The following RGS20 variants were observed in gnomAD, a reference collection of about 807,000 sequenced individuals.
RGS20 encodes regulator of G protein signaling 20.
In RGS20, 30 loss-of-function variants were observed where a neutral mutation model predicts 33.6. That is an observed-to-expected ratio of 0.89 (90% CI 0.67 to 1.21). The LOEUF (loss-of-function observed/expected upper bound fraction) is 1.21, where lower values mean the gene tolerates loss of function less well. RGS20 is among the 50% of genes most tolerant of loss of function. The pLI is 0.00. For synonymous variants in RGS20, 208 were observed against 197.9 expected (o/e 1.05, Z -0.43); for missense variants, 472 against 502.4 (o/e 0.94, Z 0.58).
intron 1 of RGS20, among the ~76,000 whole-genome samples, chr8:53,864,635 A>G (rs1002110524): frequency 6.6e-6 from 1 of 152,122 alleles, no homozygotes; most frequent in African/African-American, 2.4e-5. Context: ...TAGTGGGCAC[A>G]GAGTAAGAGC....
Position 53,887,087 on chromosome 8 carries a change from A to G in RGS20, c.510+7485A>G, listed in dbSNP as rs147042075. 146 of 163,398 alleles carry G rather than the reference A, an allele frequency of 8.9e-4. 1 individual carries two copies. Among genetic ancestry groups the G allele is most frequent in the Admixed American group, 4.2e-3 (69 of 16,372 alleles). 10.1% of individuals were successfully genotyped at this position (163,398 alleles called of 1,614,324 possible). A position where few individuals can be genotyped will look rare whatever the true frequency, so the allele number is the denominator to read the frequency against. On this transcript the variant is annotated intron_variant, in intron 2 of 5. Coordinates refer to ENST00000297313, the MANE Select transcript of RGS20 (RefSeq NM_170587.4). ...ATGCCTGTCAGAGTGGCTGGCCATA[A>G]AAACTCCAGCACCGCATTCATCTGA...
chr8:53,891,154 G>A (rs889945147), intron 2 of RGS20, among the ~76,000 whole-genome samples: 5 of 152,046 alleles, frequency 3.3e-5, no homozygotes, highest in Non-Finnish European at 5.9e-5. Flanking sequence ...TTGTGCTAAC[G>A]GTCAGCAAAA....
intron 1 of RGS20, among the ~76,000 whole-genome samples, chr8:53,868,605 TGTGTTTTTATA>T (rs1230013165): frequency 1.3e-5 from 2 of 152,058 alleles, no homozygotes; most frequent in Non-Finnish European, 2.9e-5. Flanking sequence ...GTATACAAAA[TGTGTTTTTATA>T]GGGTTCTACT....
At chr8:53,887,906 G>A (rs1812594837) in intron 2 of RGS20, among the ~76,000 whole-genome samples, 1 of 151,790 alleles carries the variant, frequency 6.6e-6, no homozygotes, top group South Asian at 2.1e-4. Flanking sequence ...TGAGCCTGGG[G>A]ACACTGAGGT....
chr8:53,881,003 A>G (rs1812355251), intron 2 of RGS20: 5 of 1,594,000 alleles, frequency 3.1e-6, no homozygotes, highest in South Asian at 1.1e-5. Context: ...TTGAGAAGGC[A>G]CCCGCGGGAC....
intron 1 of RGS20, among the ~76,000 whole-genome samples, chr8:53,873,903 A>G: frequency 6.6e-6 from 1 of 152,214 alleles, no homozygotes; most frequent in East Asian, 1.9e-4. Context: ...AAGTCAATAG[A>G]AAGTCTGGAG....
At chr8:53,927,180 G>A (rs925983718) in intron 2 of RGS20, among the ~76,000 whole-genome samples, 3 of 148,054 alleles carry the variant, frequency 2.0e-5, no homozygotes, top group South Asian at 2.1e-4. Flanking sequence ...TCCTCAGGAT[G>A]CTCTTTTTGT....
intron 2 of RGS20, among the ~76,000 whole-genome samples, chr8:53,901,315 G>A (rs929578475): frequency 2.1e-4 from 32 of 152,078 alleles, no homozygotes; most frequent in Non-Finnish European, 1.9e-4. Flanking sequence ...TGATCCACCC[G>A]CCTTGGCCTC....
Position 53,952,550 on chromosome 8 carries a change from C to T in RGS20, c.744-1526C>T, listed in dbSNP as rs552364012. Among the ~76,000 whole-genome samples the T allele has an allele frequency of 2.6e-5, 4 of 151,684 alleles. No homozygotes were observed. The East Asian group carries it at 5.9e-4, about 22-fold the overall frequency. ...AGACAGCCTGGCCAACATGGTGAAA[C>T]GCCATCTCTACTAAAAATACAAAAA... On this transcript the variant is annotated intron_variant, in intron 4 of 5. Coordinates refer to ENST00000297313, the MANE Select transcript of RGS20 (RefSeq NM_170587.4).
chr8:53,863,330 T>C lies in RGS20; in HGVS notation c.165+11266T>C, dbSNP rs115107984. ...TTCTCCCTGAGTCAAGATTCAGAGC[T>C]CATTGCTCCCTTCTTGGAATACAGC... On this transcript the variant is annotated intron_variant, in intron 1 of 5. Coordinates refer to ENST00000297313, the MANE Select transcript of RGS20 (RefSeq NM_170587.4). Among the ~76,000 whole-genome samples, 817 of 152,252 alleles carry C rather than the reference T, an allele frequency of 5.4e-3. 7 individuals are homozygous for C. The highest frequency in any genetic ancestry group is 0.018 in the African/African-American group (759 of 41,550).
chr8:53,875,304 T>C (rs545778242), intron 1 of RGS20, among the ~76,000 whole-genome samples: 1 of 151,608 alleles, frequency 6.6e-6, no homozygotes, highest in South Asian at 2.1e-4. Flanking sequence ...TGGTGGCACA[T>C]GCCTGTAGTC....
In RGS20 at chr8:53,874,405, CGCGCGT is replaced by C. The variant is rs1563349591; in HGVS notation, c.166-4851_166-4846del. Among the ~76,000 whole-genome samples, 34 of 146,008 alleles carry C rather than the reference CGCGCGT, an allele frequency of 2.3e-4. No individual in the cohort carries two copies. In the East Asian group the frequency reaches 6.3e-3, roughly 27 times the overall value. On this transcript the variant is annotated intron_variant, in intron 1 of 5. Coordinates refer to ENST00000297313, the MANE Select transcript of RGS20 (RefSeq NM_170587.4). ...GTGTGTGTGTGTGTGTGTGTGTGCG[CGCGCGT>C]GTGCTTGCGTGCATCTGTGTGTTAC...
chr8:53,860,319 T>C (rs1207411672), intron 1 of RGS20, among the ~76,000 whole-genome samples: 1 of 152,232 alleles, frequency 6.6e-6, no homozygotes, highest in Non-Finnish European at 1.5e-5. Flanking sequence ...CATAAGACTA[T>C]ATTTGGCTTA....
At chr8:53,947,834 GCTATATATAGGATA>G (rs1197085881) in intron 4 of RGS20, among the ~76,000 whole-genome samples, 2 of 135,714 alleles carry the variant, frequency 1.5e-5, no homozygotes, top group East Asian at 2.1e-4. Flanking sequence ...ATTTATATAT[GCTATATATAGGATA>G]TAGTATATAC....
At chr8:53,863,874 A>G (rs1419012309) in intron 1 of RGS20, among the ~76,000 whole-genome samples, 1 of 151,696 alleles carries the variant, frequency 6.6e-6, no homozygotes, top group Non-Finnish European at 1.5e-5. Context: ...CTACAGGCTC[A>G]TGCCACCACA....
rs1297262599 is a variant in RGS20 at position 53,877,282 on chromosome 8, C to T, written c.166-1976C>T. ...TCTCTCGACTTCTTAGCGTGGGGTC[C>T]CGCCGGCCCTGCCGCCCGTGGCCGC... On this transcript the variant is annotated intron_variant, in intron 1 of 5. Coordinates refer to ENST00000297313, the MANE Select transcript of RGS20 (RefSeq NM_170587.4). This position sits in a 1 kb window ranked among gnomAD's most constrained non-coding sequence, Gnocchi z 5.7. Among the ~76,000 whole-genome samples, 1 of 152,198 alleles carries T rather than the reference C, an allele frequency of 6.6e-6. No individual in the cohort carries two copies. The highest frequency in any genetic ancestry group is 1.5e-5 in the Non-Finnish European group (1 of 68,024).
chr8:53,917,748 G>A (rs1028879881), intron 2 of RGS20, among the ~76,000 whole-genome samples: 6 of 152,146 alleles, frequency 3.9e-5, no homozygotes, highest in African/African-American at 1.4e-4. Flanking sequence ...CAGTCTGGGC[G>A]ACAGAGACTG....
At chr8:53,881,006 C>A (rs770595091) in intron 2 of RGS20, 1 of 1,595,050 alleles carries the variant, frequency 6.3e-7, no homozygotes, top group Non-Finnish European at 8.5e-7. Context: ...AGAAGGCACC[C>A]GCGGGACGCA....
At chr8:53,894,789 A>G (rs1193537823) in intron 2 of RGS20, among the ~76,000 whole-genome samples, 2 of 152,222 alleles carry the variant, frequency 1.3e-5, no homozygotes, top group African/African-American at 4.8e-5. Flanking sequence ...CCACAAAATC[A>G]TTTCACATAT....
Sources: gnomAD v4.1 joint callset for allele counts (sites outside exome capture counted in the v4.1 genomes callset) on GRCh38, gnomAD v4.1.1 for gene constraint, Gnocchi (gnomAD v3.1) non-coding constraint, MANE v1.5 for transcripts, NCBI Gene and HGNC (gene_info 2026-07-23, HGNC 2026-07-21) for gene names.